Variants in STK32B observed in about 807,000 individuals in gnomAD.
The protein encoded by STK32B is serine/threonine kinase 32B, also known as serine/threonine-protein kinase 32B.
STK32B carries 43 observed loss-of-function variants against 52.6 expected under a neutral mutation model. The observed-to-expected ratio is 0.82, with a 90% CI of 0.64 to 1.05. The LOEUF (loss-of-function observed/expected upper bound fraction) is 1.05. STK32B is among the 50% of genes least tolerant of loss of function. The pLI is 0.00. For missense variants in STK32B, 621 were observed against 534.6 expected, an observed-to-expected ratio of 1.16 and a Z score of -1.59; for synonymous variants, 238 against 204.3, an observed-to-expected ratio of 1.17 and a Z score of -1.41.
chr4:5,061,326 G>A (rs1041410921), intron 1 of STK32B, among the ~76,000 whole-genome samples: 1 of 152,070 alleles, frequency 6.6e-6, no homozygotes, highest in Admixed American at 6.6e-5. Context: ...AGAATTGTCC[G>A]TCGGTTCTCT....
At chr4:5,054,757 T>G (rs1741933426) in intron 1 of STK32B, among the ~76,000 whole-genome samples, 1 of 152,208 alleles carries the variant, frequency 6.6e-6, no homozygotes, top group Admixed American at 6.5e-5. Flanking sequence ...TGCAAACACC[T>G]GCCTGACCAG....
intron 11 of STK32B, among the ~76,000 whole-genome samples, chr4:5,478,490 A>T (rs1171392038): frequency 6.6e-6 from 1 of 152,232 alleles, no homozygotes; most frequent in Non-Finnish European, 1.5e-5. Flanking sequence ...AAAGGCTGTT[A>T]TTGAATTACA....
chr4:5,396,597 G>T lies in STK32B; in HGVS notation c.435-1610G>T, dbSNP rs960619420. ...CTGACTCTAACTCTATCTTTAGGCT[G>T]TGGCCCTTGTAGGCATTTTGTAGCT... On this transcript the variant is annotated intron_variant, in intron 4 of 11. Coordinates refer to ENST00000282908, the MANE Select transcript of STK32B (RefSeq NM_018401.3). This position sits in a 1 kb window ranked among gnomAD's most constrained non-coding sequence, Gnocchi z 4.7. Among the ~76,000 whole-genome samples the T allele has an allele frequency of 7.9e-5, 12 of 152,098 alleles. No individual in the cohort carries two copies. Among genetic ancestry groups the T allele is most frequent in the Admixed American group, 7.9e-4 (12 of 15,276 alleles).
At chr4:5,426,692 CAAAAA>C (rs746246839) in intron 6 of STK32B, among the ~76,000 whole-genome samples, 36 of 78,030 alleles carry the variant, frequency 4.6e-4, no homozygotes, top group South Asian at 2.9e-3. Context: ...TCCATCTAAA[CAAAAA>C]AAAAAAAAAA....
At chr4:5,245,115 C>G (rs1392254756) in intron 3 of STK32B, among the ~76,000 whole-genome samples, 1 of 152,092 alleles carries the variant, frequency 6.6e-6, no homozygotes, top group East Asian at 1.9e-4. Flanking sequence ...GAGTTCAATT[C>G]CTGGATATCC....
At chr4:5,359,740 G>T in intron 4 of STK32B, among the ~76,000 whole-genome samples, 1 of 152,166 alleles carries the variant, frequency 6.6e-6, no homozygotes, top group Non-Finnish European at 1.5e-5. Context: ...CCAGGCGGAG[G>T]TATGGAGGCT....
At chr4:5,493,221 T>G (rs1466810809) in intron 11 of STK32B, among the ~76,000 whole-genome samples, 3 of 152,112 alleles carry the variant, frequency 2.0e-5, no homozygotes, top group African/African-American at 4.8e-5. Flanking sequence ...GACTCTTTTT[T>G]CTTGGTAAGC....
intron 3 of STK32B, among the ~76,000 whole-genome samples, chr4:5,233,536 G>A (rs1234286606): frequency 6.6e-6 from 1 of 152,056 alleles, no homozygotes; most frequent in Non-Finnish European, 1.5e-5. Flanking sequence ...GAGGGAGTTA[G>A]AAGGATAGGA....
intron 2 of STK32B, among the ~76,000 whole-genome samples, chr4:5,141,664 CA>C (rs1310783895): frequency 6.6e-6 from 1 of 152,022 alleles, no homozygotes; most frequent in Admixed American, 6.6e-5. Context: ...TGGCCTGGGG[CA>C]CATGGCAGTG....
chr4:5,170,608 C>G (rs1719293110), intron 3 of STK32B, among the ~76,000 whole-genome samples: 2 of 152,130 alleles, frequency 1.3e-5, no homozygotes, highest in South Asian at 4.1e-4. Context: ...TGGTTTCCAG[C>G]TTCATCCATG....
intron 1 of STK32B, among the ~76,000 whole-genome samples, chr4:5,099,769 C>G (rs1383550834): frequency 6.6e-6 from 1 of 152,070 alleles, no homozygotes; most frequent in East Asian, 1.9e-4. Flanking sequence ...AGCTCGGCTG[C>G]CTTCTAGGGA....
At chr4:5,101,849 G>A (rs1249371028) in intron 1 of STK32B, among the ~76,000 whole-genome samples, 1 of 152,176 alleles carries the variant, frequency 6.6e-6, no homozygotes, top group Non-Finnish European at 1.5e-5. Flanking sequence ...AATATGCCTT[G>A]CTCAATGTCA....
chr4:5,286,444 C>T (rs1193051039), intron 3 of STK32B, among the ~76,000 whole-genome samples: 2 of 152,154 alleles, frequency 1.3e-5, no homozygotes, highest in Admixed American at 1.3e-4. Flanking sequence ...ACCTCAAAGT[C>T]CTGTTGCCCC....
At chr4:5,285,830 C>T (rs907169098) in intron 3 of STK32B, among the ~76,000 whole-genome samples, 1 of 152,162 alleles carries the variant, frequency 6.6e-6, no homozygotes, top group Non-Finnish European at 1.5e-5. Context: ...ATCAAGCTCA[C>T]TCTGAATTGT....
At chr4:5,023,155 A>G in the STK32B span, among the ~76,000 whole-genome samples, 1 of 152,252 alleles carries the variant, frequency 6.6e-6, no homozygotes, top group South Asian at 2.1e-4. Flanking sequence ...AATGCAAAGA[A>G]AGATTCCTGC....
At chr4:5,418,859 A>G (rs1008336010) in intron 6 of STK32B, among the ~76,000 whole-genome samples, 3 of 152,230 alleles carry the variant, frequency 2.0e-5, no homozygotes, top group African/African-American at 4.8e-5. Flanking sequence ...AGAGTTGCAC[A>G]TGGGTATTGC....
chr4:5,478,339 G>A (rs191703847), intron 11 of STK32B, among the ~76,000 whole-genome samples: 9 of 152,146 alleles, frequency 5.9e-5, no homozygotes, highest in African/African-American at 1.2e-4. Context: ...GAGAGGAGAC[G>A]ATGGTAAGAG....
chr4:5,181,149 C>T (rs1720319790), intron 3 of STK32B, among the ~76,000 whole-genome samples: 1 of 152,152 alleles, frequency 6.6e-6, no homozygotes, highest in African/African-American at 2.4e-5. Flanking sequence ...TATGATGCTG[C>T]TATGGACCAA....
chr4:5,450,111 G>A (rs1407906812), intron 7 of STK32B, among the ~76,000 whole-genome samples: 1 of 152,066 alleles, frequency 6.6e-6, no homozygotes, highest in Non-Finnish European at 1.5e-5. Context: ...GCTTTTGGTT[G>A]GAGCTTGTAG....
Sources: gnomAD v4.1 joint callset for allele counts (sites outside exome capture counted in the v4.1 genomes callset) on GRCh38, gnomAD v4.1.1 for gene constraint, Gnocchi (gnomAD v3.1) non-coding constraint, MANE v1.5 for transcripts, NCBI Gene and HGNC (gene_info 2026-07-23, HGNC 2026-07-21) for gene names.